CACNA2D3: variants seen among roughly 807,000 people sequenced by gnomAD.
CACNA2D3 encodes voltage-dependent calcium channel subunit alpha-2/delta-3.
In CACNA2D3, 60 loss-of-function variants were observed where a neutral mutation model predicts 160.6. That is an observed-to-expected ratio of 0.37 (90% CI 0.30 to 0.46). The LOEUF (loss-of-function observed/expected upper bound fraction) is 0.46. CACNA2D3 is among the 20% of genes least tolerant of loss of function. The pLI, the probability that CACNA2D3 is intolerant of heterozygous loss-of-function variation, is 1.00. For missense variants in CACNA2D3, 1,205 were observed against 1,365.0 expected, an observed-to-expected ratio of 0.88 and a Z score of 1.85; for synonymous variants, 558 against 492.9, an observed-to-expected ratio of 1.13 and a Z score of -1.75.
chr3:54,836,738 G>C (rs1415882652), intron 14 of CACNA2D3, among the ~76,000 whole-genome samples: 1 of 152,134 alleles, frequency 6.6e-6, no homozygotes, highest in South Asian at 2.1e-4. Context: ...TTTAGCAGGG[G>C]CAACTCACCA....
At chr3:54,434,618 T>A (rs1700035430) in intron 4 of CACNA2D3, among the ~76,000 whole-genome samples, 1 of 152,216 alleles carries the variant, frequency 6.6e-6, no homozygotes, top group Non-Finnish European at 1.5e-5. Flanking sequence ...AGGCAGCTTA[T>A]TCTGGCAGTC....
At chr3:54,297,260 A>G (rs1703362186) in intron 2 of CACNA2D3, among the ~76,000 whole-genome samples, 1 of 152,156 alleles carries the variant, frequency 6.6e-6, no homozygotes, top group Non-Finnish European at 1.5e-5. Context: ...CTAAACTACT[A>G]AACTACTTTG....
chr3:54,393,932 G>A (rs1020842780), intron 4 of CACNA2D3, among the ~76,000 whole-genome samples: 2 of 152,160 alleles, frequency 1.3e-5, no homozygotes, highest in Non-Finnish European at 2.9e-5. Flanking sequence ...CTTCCAGGAT[G>A]CAAGCAGCAG....
intron 11 of CACNA2D3, among the ~76,000 whole-genome samples, chr3:54,680,173 G>A (rs1336241675): frequency 6.6e-6 from 1 of 151,962 alleles, no homozygotes; most frequent in Admixed American, 6.6e-5. Context: ...AAAAAAAAAT[G>A]GTTTGCTAGG....
intron 2 of CACNA2D3, among the ~76,000 whole-genome samples, chr3:54,295,761 G>A (rs1703328796): frequency 1.3e-5 from 2 of 152,176 alleles, no homozygotes; most frequent in African/African-American, 2.4e-5. Flanking sequence ...CCTGTCCCTT[G>A]TCCACAAAGA....
intron 35 of CACNA2D3, among the ~76,000 whole-genome samples, chr3:55,021,675 A>G (rs1450143643): frequency 1.4e-5 from 2 of 140,048 alleles, no homozygotes; most frequent in Admixed American, 7.1e-5. Flanking sequence ...GTATATATAT[A>G]TGTGTATATA....
At chr3:54,975,306 G>A (rs1381915537) in intron 29 of CACNA2D3, among the ~76,000 whole-genome samples, 1 of 152,132 alleles carries the variant, frequency 6.6e-6, no homozygotes, top group Non-Finnish European at 1.5e-5. Flanking sequence ...ATCACTTGAG[G>A]TCAGGAGTTT....
intron 11 of CACNA2D3, among the ~76,000 whole-genome samples, chr3:54,749,964 A>G (rs1462282786): frequency 1.3e-5 from 2 of 152,186 alleles, no homozygotes; most frequent in Non-Finnish European, 2.9e-5. Flanking sequence ...TCGTGGTAGG[A>G]CTGTGCTGGT....
intron 27 of CACNA2D3, among the ~76,000 whole-genome samples, chr3:54,906,930 C>T (rs1021095012): frequency 3.5e-4 from 54 of 152,204 alleles, no homozygotes; most frequent in Admixed American, 2.2e-3. Flanking sequence ...GCTCTGCATA[C>T]CACACAGTAG....
chr3:54,604,857 A>G (rs1703136662), intron 9 of CACNA2D3, among the ~76,000 whole-genome samples: 1 of 152,162 alleles, frequency 6.6e-6, no homozygotes, highest in Non-Finnish European at 1.5e-5. Flanking sequence ...TGTAGTCAAC[A>G]TCTCATGAAG....
intron 13 of CACNA2D3, among the ~76,000 whole-genome samples, chr3:54,767,814 T>A (rs972542005): frequency 1.3e-5 from 2 of 152,192 alleles, no homozygotes; most frequent in African/African-American, 4.8e-5. Context: ...TGGTCAAATC[T>A]GGGACAATTT....
intron 2 of CACNA2D3, among the ~76,000 whole-genome samples, chr3:54,239,434 A>G (rs542780459): frequency 1.3e-5 from 2 of 152,226 alleles, no homozygotes; most frequent in African/African-American, 2.4e-5. Flanking sequence ...ATATTCATGG[A>G]CAAAGTTTAA....
intron 3 of CACNA2D3, among the ~76,000 whole-genome samples, chr3:54,359,447 C>T (rs947263847): frequency 5.3e-5 from 8 of 152,144 alleles, no homozygotes; most frequent in Admixed American, 4.6e-4. Context: ...ATGCCCAGCT[C>T]AAGTGAGTGA....
At chr3:54,183,058 G>A (rs1039532051) in intron 2 of CACNA2D3, among the ~76,000 whole-genome samples, 4 of 152,038 alleles carry the variant, frequency 2.6e-5, no homozygotes, top group East Asian at 1.9e-4. Context: ...TGTATTTGTC[G>A]TTTCTGAAGT....
intron 35 of CACNA2D3, among the ~76,000 whole-genome samples, chr3:55,059,408 G>C (rs527614185): frequency 4.7e-4 from 71 of 152,312 alleles, no homozygotes; most frequent in Admixed American, 1.0e-3. Context: ...AAACAGGAGA[G>C]TTATCTGACC....
rs1201418666 is a variant in CACNA2D3 at position 54,646,190 on chromosome 3, C to CCTTG, written c.1167+3953_1167+3956dup. Among the ~76,000 whole-genome samples the CCTTG allele has an allele frequency of 2.2e-3, 34 of 15,720 alleles. 2 individuals are homozygous for CCTTG. The East Asian group carries it at 0.055, about 25-fold the overall frequency. 10.3% of individuals were successfully genotyped at this position (15,720 alleles called of 152,430 possible). Reference sequence around the variant, plus strand: ...TCCCTCCCTCCCTCCCTCCCTCCTTCCTTGCTTCCTTCCTTCCTTCCTTCC... The same window carrying CCTTG: ...TCCCTCCCTCCCTCCCTCCCTCCTTCCTTGCTTGCTTCCTTCCTTCCTTCCTTCC... On this transcript the variant is annotated intron_variant, in intron 11 of 37. Transcript: ENST00000474759.
intron 11 of CACNA2D3, among the ~76,000 whole-genome samples, chr3:54,678,679 C>T (rs572609975): frequency 1.4e-4 from 17 of 118,836 alleles, no homozygotes; most frequent in African/African-American, 5.1e-4. Context: ...CGAGATCGTG[C>T]AATTGCATCC....
At chr3:54,409,587 G>C (rs1176964114) in intron 4 of CACNA2D3, among the ~76,000 whole-genome samples, 1 of 152,178 alleles carries the variant, frequency 6.6e-6, no homozygotes, top group East Asian at 1.9e-4. Flanking sequence ...GCAGAGATGG[G>C]CCGAAAGCTA....
chr3:54,535,854 A>G (rs1701881048), intron 5 of CACNA2D3, among the ~76,000 whole-genome samples: 1 of 152,258 alleles, frequency 6.6e-6, no homozygotes, highest in Non-Finnish European at 1.5e-5. Flanking sequence ...TGATGTGACT[A>G]GAGCCTGTGC....
Sources: allele counts gnomAD v4.1 joint callset (sites outside exome capture counted in the v4.1 genomes callset), GRCh38; gene constraint gnomAD v4.1.1; transcripts MANE v1.5; gene names NCBI Gene and HGNC (gene_info 2026-07-23, HGNC 2026-07-21).